VRK2: variants seen among roughly 807,000 people sequenced by gnomAD.
VRK2 encodes the protein serine/threonine-protein kinase VRK2.
In VRK2, 60 loss-of-function variants were observed where a neutral mutation model predicts 57.6. The observed-to-expected ratio is 1.04, with a 90% confidence interval of 0.85 to 1.29. The LOEUF (loss-of-function observed/expected upper bound fraction) is 1.29, where lower values mean the gene tolerates loss of function less well. VRK2 is among the 50% of genes most tolerant of loss of function. The pLI, the probability that VRK2 is intolerant of heterozygous loss-of-function variation, is 0.00. For missense variants in VRK2, 705 were observed against 588.1 expected, an observed-to-expected ratio of 1.20 and a Z score of -2.06; for synonymous variants, 231 against 199.2, an observed-to-expected ratio of 1.16 and a Z score of -1.35.
At chr2:57,952,300 G>A (rs562372617) in intron 1 of VRK2, among the ~76,000 whole-genome samples, 1 of 152,226 alleles carries the variant, frequency 6.6e-6, no homozygotes, top group East Asian at 1.9e-4. Context: ...TAAAGGCAGA[G>A]AGAAATTGAT....
chr2:57,946,913 A>C (rs1266282899), intron 1 of VRK2, among the ~76,000 whole-genome samples: 1 of 152,072 alleles, frequency 6.6e-6, no homozygotes, highest in Non-Finnish European at 1.5e-5. Flanking sequence ...AGCCAGAGGA[A>C]ATTTGCAAAT....
intron 8 of VRK2, among the ~76,000 whole-genome samples, chr2:58,125,240 G>T (rs950276193): frequency 6.6e-6 from 1 of 152,098 alleles, no homozygotes; most frequent in South Asian, 2.1e-4. Context: ...TGTGGAAAGA[G>T]AAGTAGAGTT....
chr2:58,154,777 G>A (rs1244466916), intron 12 of VRK2: 1 of 717,450 alleles, frequency 1.4e-6, no homozygotes, highest in South Asian at 1.5e-5. Flanking sequence ...TTAGGCTATT[G>A]ATTTGAACCC....
At chr2:58,137,805 A>C (rs1285260633) in intron 10 of VRK2, among the ~76,000 whole-genome samples, 1 of 152,174 alleles carries the variant, frequency 6.6e-6, no homozygotes, top group Non-Finnish European at 1.5e-5. Flanking sequence ...TTTCATACTA[A>C]AGGCATTTTG....
intron 2 of VRK2, among the ~76,000 whole-genome samples, chr2:58,053,480 T>C (rs1287390076): frequency 2.0e-5 from 3 of 152,210 alleles, no homozygotes; most frequent in African/African-American, 7.2e-5. Context: ...GATAGGTTTT[T>C]AGAAATTACC....
At chr2:58,045,112 T>C (rs1197984731), upstream of VRK2, among the ~76,000 whole-genome samples, 1 of 152,230 alleles carries the variant, frequency 6.6e-6, no homozygotes, top group Non-Finnish European at 1.5e-5. Context: ...CTGAATTGTT[T>C]TAAGCTCAGT....
At position 58,024,404 on chromosome 2, in the gene VRK2, G is replaced by A. The variant is rs191861963; in HGVS notation, c.-438-1261G>A. 3.2e-4 allele frequency among the ~76,000 whole-genome samples: 48 copies of A among 152,130 alleles called. No individual in the cohort carries two copies. The South Asian group carries it at 9.2e-3, about 29-fold the overall frequency. ...TAAGGAATTAATAGAAGTTTTTTTGGGGGGGTGCTATTACATTAAAATAAT... is the reference window on the plus strand; with the variant it reads ...TAAGGAATTAATAGAAGTTTTTTTGAGGGGGTGCTATTACATTAAAATAAT... On this transcript the variant is annotated intron_variant, in intron 1 of 15. Coordinates refer to the VRK2 transcript ENST00000417641.
At chr2:58,005,155 T>C (rs1393854585) in intron 1 of VRK2, among the ~76,000 whole-genome samples, 1 of 152,182 alleles carries the variant, frequency 6.6e-6, no homozygotes, top group Non-Finnish European at 1.5e-5. Context: ...GACTATATAA[T>C]TAGCCAGGTC....
chr2:57,975,492 T>C (rs1368050123), intron 1 of VRK2, among the ~76,000 whole-genome samples: 1 of 152,078 alleles, frequency 6.6e-6, no homozygotes, highest in Non-Finnish European at 1.5e-5. Context: ...CTCTATTTTT[T>C]AAATTTCAAT....
intron 1 of VRK2, among the ~76,000 whole-genome samples, chr2:57,965,824 G>A (rs1671899728): frequency 6.6e-6 from 1 of 152,116 alleles, no homozygotes; most frequent in Admixed American, 6.6e-5. Flanking sequence ...ATTGTGACCA[G>A]CCAGACTTCA....
chr2:57,925,583 CT>C (rs1670505027), intron 1 of VRK2, among the ~76,000 whole-genome samples: 1 of 151,592 alleles, frequency 6.6e-6, no homozygotes, highest in Non-Finnish European at 1.5e-5. Flanking sequence ...TTTGGGTCTT[CT>C]CTCTTTTTTT....
intron 1 of VRK2, among the ~76,000 whole-genome samples, chr2:57,980,996 T>C (rs190951726): frequency 1.0e-3 from 159 of 152,324 alleles, no homozygotes; most frequent in Admixed American, 3.8e-3. Context: ...CTTGCCACTG[T>C]GTCTTTTAAG....
At chr2:57,960,220 TG>T (rs1440472569) in intron 1 of VRK2, among the ~76,000 whole-genome samples, 2 of 152,178 alleles carry the variant, frequency 1.3e-5, no homozygotes, top group Non-Finnish European at 2.9e-5. Context: ...AGTGCAGATC[TG>T]AATATATTTT....
chr2:58,081,857 C>CGTGTGTGTGTGTGTGT (rs369430200), intron 2 of VRK2, among the ~76,000 whole-genome samples: 2 of 142,122 alleles, frequency 1.4e-5, no homozygotes, highest in Admixed American at 1.4e-4. Flanking sequence ...ATACCATGTC[C>CGTGTGTGTGTGTGTGT]GTGTGTGTGT....
At chr2:58,004,100 T>A (rs1673171055) in intron 1 of VRK2, among the ~76,000 whole-genome samples, 1 of 152,134 alleles carries the variant, frequency 6.6e-6, no homozygotes, top group South Asian at 2.1e-4. Flanking sequence ...AAGAATCAAC[T>A]CTCTTCTTTT....
At chr2:57,919,821 T>A (rs2717006) in intron 1 of VRK2, among the ~76,000 whole-genome samples, 107,999 of 151,704 alleles carry the variant, frequency 0.71, 39,852 homozygotes, top group African/African-American at 0.93. Flanking sequence ...AAGTCAGTAA[T>A]TTTTTTTTAA....
At chr2:57,978,415 T>G (rs1388495061) in intron 1 of VRK2, among the ~76,000 whole-genome samples, 1 of 151,138 alleles carries the variant, frequency 6.6e-6, no homozygotes, top group African/African-American at 2.5e-5. Context: ...TGTCCACTTC[T>G]AAGCCTTGAT....
chr2:58,084,645 A>G (rs1280945934), intron 3 of VRK2, among the ~76,000 whole-genome samples: 4 of 151,896 alleles, frequency 2.6e-5, no homozygotes, highest in Admixed American at 6.6e-5. Context: ...AACTACTTTT[A>G]TGTGTAAGAC....
chr2:58,092,319 G>A (rs1558625183), intron 7 of VRK2, among the ~76,000 whole-genome samples: 1 of 152,104 alleles, frequency 6.6e-6, no homozygotes, highest in Non-Finnish European at 1.5e-5. Context: ...TTAACATAAT[G>A]CTTTTGAGAT....
Sources: gnomAD v4.1 joint callset for allele counts (sites outside exome capture counted in the v4.1 genomes callset) on GRCh38, gnomAD v4.1.1 for gene constraint, MANE v1.5 for transcripts, NCBI Gene and HGNC (gene_info 2026-07-23, HGNC 2026-07-21) for gene names.